The following KCNK12 variants were observed in gnomAD, a reference collection of about 807,000 sequenced individuals.
KCNK12 encodes potassium two pore domain channel subfamily K member 12.
In KCNK12, 6 loss-of-function variants were observed where a neutral mutation model predicts 25.3. That is an observed-to-expected ratio of 0.24 (90% CI 0.13 to 0.47). KCNK12 has a LOEUF of 0.47. Ranked by LOEUF, KCNK12 falls within the 20% of genes least tolerant of loss-of-function variation. KCNK12 has a pLI of 0.99. For missense variants in KCNK12, 444 were observed against 661.7 expected (o/e 0.67, Z 3.61); for synonymous variants, 331 against 311.1 (o/e 1.06, Z -0.67).
At position 47,512,545 on chromosome 2, in the gene KCNK12, A is replaced by G. The variant is rs1237854089; in HGVS notation, c.*8362T>C. 2 of 1,228,568 alleles carry G rather than the reference A, an allele frequency of 1.6e-6. No homozygotes were observed. The highest frequency in any genetic ancestry group is 2.2e-6 in the Non-Finnish European group (2 of 895,122). 76.1% of individuals were successfully genotyped at this position (1,228,568 alleles called of 1,614,324 possible). ...AGGAAGCTCTCAAAAATGGACCAGA[A>G]AGGGGTCAGGAATATAACTTTCTCT... On this transcript the variant is annotated 3_prime_UTR_variant, in exon 2 of 2. Transcript: ENST00000327876.
chr2:47,561,277 C>T (rs1422782851), intron 1 of KCNK12, among the ~76,000 whole-genome samples: 1 of 152,200 alleles, frequency 6.6e-6, no homozygotes, highest in East Asian at 1.9e-4. Context: ...TGGTCTAACT[C>T]ACCACTCAAT....
rs1252020937 is a variant in KCNK12, at chr2:47,530,911, T to C, written c.392-9103A>G. Among the ~76,000 whole-genome samples, 5 of 152,172 alleles carry C rather than the reference T, an allele frequency of 3.3e-5. No homozygotes were observed. The South Asian group carries it at 6.2e-4, about 19-fold the overall frequency. On this transcript the variant is annotated intron_variant, in intron 1 of 1. Transcript: ENST00000327876. ...TGCCCAAGATCACAAAGCAAGCACA[T>C]GGCAGAGATTTGAAACTAGAGGAAG...
In KCNK12 at chr2:47,520,296, C is replaced by G. The variant is rs1356860258; in HGVS notation, c.*611G>C. ...GCTAAGCCCCTCACCACTGCAATTT[C>G]CAAATCTGGGGGAAATGCCACAGTC... On this transcript the variant is annotated 3_prime_UTR_variant, in exon 2 of 2. Coordinates refer to ENST00000327876, the MANE Select transcript of KCNK12 (RefSeq NM_022055.2). This position sits in a 1 kb window ranked among gnomAD's most constrained non-coding sequence, Gnocchi z 5.0. The G allele has an allele frequency of 6.6e-6, 1 of 152,374 alleles. No individual in the cohort carries two copies. The highest frequency in any genetic ancestry group is 1.5e-5 in the Non-Finnish European group (1 of 68,176). The allele number at this position is 152,374 out of a possible 1,614,324, so 9.4% of individuals were successfully genotyped here. A position where few individuals can be genotyped will look rare whatever the true frequency, so the allele number is the denominator to read the frequency against.
In KCNK12 at chr2:47,555,316, C is replaced by G. The variant is rs1430389959; in HGVS notation, c.391+14625G>C. Among the ~76,000 whole-genome samples the G allele has an allele frequency of 6.6e-6, 1 of 152,212 alleles. No individual in the cohort carries two copies. The highest frequency in any genetic ancestry group is 1.5e-5 in the Non-Finnish European group (1 of 68,026). ...TTGGAAGCAGCAGATGCAAAGAAAG[C>G]TCCTTATCCTCCCCTATCTGCCTAA... is the stretch of plus-strand genomic sequence containing the variant. On this transcript the variant is annotated intron_variant, in intron 1 of 1. Coordinates refer to ENST00000327876, the MANE Select transcript of KCNK12 (RefSeq NM_022055.2). This position sits in a 1 kb window ranked among gnomAD's most constrained non-coding sequence, Gnocchi z 4.5.
chr2:47,509,490 A>G lies in KCNK12; in HGVS notation c.*11417T>C, dbSNP rs1668348292. Among the ~76,000 whole-genome samples, 2 of 152,232 alleles carry G rather than the reference A, an allele frequency of 1.3e-5. No homozygotes were observed. Among genetic ancestry groups the G allele is most frequent in the African/African-American group, 4.8e-5 (2 of 41,458 alleles). On this transcript the variant is annotated 3_prime_UTR_variant, in exon 2 of 2. Coordinates refer to ENST00000327876, the MANE Select transcript of KCNK12 (RefSeq NM_022055.2). ...CTGCCAACACGTCAGTTGTATCAGC[A>G]TTAGCTGGCTGGAGGTGGCCTGCTG... is the stretch of plus-strand genomic sequence containing the variant.
chr2:47,561,337 A>C (rs1259245253), intron 1 of KCNK12, among the ~76,000 whole-genome samples: 2 of 152,220 alleles, frequency 1.3e-5, no homozygotes, highest in Non-Finnish European at 2.9e-5. Context: ...ATTAAAGAGC[A>C]CTGCGCCTAT....
Position 47,521,192 on chromosome 2 carries a change from G to T in KCNK12, c.1008C>A (p.Thr336=), listed in dbSNP as rs1388842892. ...GGCGGCGGCGCAGCCGGGAGCCTGGGGTGATGGCATTGCGCCGGGCCAGGG... is the reference window on the plus strand; with the variant it reads ...GGCGGCGGCGCAGCCGGGAGCCTGGTGTGATGGCATTGCGCCGGGCCAGGG... ...GAPLARRNAI[T]PGSRLRRRLA... is the part of the protein sequence containing the mutation. The change falls in exon 2 of 2, where the codon ACC becomes ACA. Residue 336 remains threonine (T), a synonymous_variant. Coordinates refer to ENST00000327876, the MANE Select transcript of KCNK12 (RefSeq NM_022055.2). 1 of 1,498,804 alleles carries T rather than the reference G, an allele frequency of 6.7e-7. No homozygotes were observed. Among genetic ancestry groups the T allele is most frequent in the Non-Finnish European group, 8.9e-7 (1 of 1,125,284 alleles). The allele number at this position is 1,498,804 out of a possible 1,614,324, so 92.8% of individuals were successfully genotyped here.
intron 1 of KCNK12, among the ~76,000 whole-genome samples, chr2:47,546,795 G>T (rs1669323780): frequency 6.6e-6 from 1 of 152,188 alleles, no homozygotes; most frequent in Admixed American, 6.5e-5. Context: ...CAGGGAATGG[G>T]CAGAGGGTTT....
At position 47,521,353 on chromosome 2, in the gene KCNK12, A is replaced by C; in HGVS notation, c.847T>G (p.Phe283Val). 1 of 1,613,718 alleles carries C rather than the reference A, an allele frequency of 6.2e-7. No individual in the cohort carries two copies. Among genetic ancestry groups the C allele is most frequent in the Non-Finnish European group, 8.5e-7 (1 of 1,179,896 alleles). ...QGLYRLGNFL[F>V]ILLGVCCIYS... is the part of the protein sequence containing the mutation. ...ATGCAGCACACGCCGAGCAGGATGAAGAGGAAGTTGCCCAGGCGGTAGAGC... is the reference window on the plus strand; with the variant it reads ...ATGCAGCACACGCCGAGCAGGATGACGAGGAAGTTGCCCAGGCGGTAGAGC... The change falls in exon 2 of 2, where the codon TTC (phenylalanine) becomes GTC (valine). Residue 283 changes from phenylalanine to valine, a missense_variant. Around this residue, in one of 8 missense-constraint regions of KCNK12, gnomAD observed 56 missense variants for 135.7 expected, o/e 0.41. Transcript: ENST00000327876.
intron 1 of KCNK12, among the ~76,000 whole-genome samples, chr2:47,561,840 G>A (rs566455054): frequency 6.6e-6 from 1 of 152,338 alleles, no homozygotes; most frequent in Non-Finnish European, 1.5e-5. Context: ...GCTGGCTGCA[G>A]TGCTGGTGTG....
chr2:47,569,594 C>A lies in KCNK12; in HGVS notation c.391+347G>T, dbSNP rs1215034486. Reference sequence around the variant, plus strand: ...GATCATCCTGGAGAGGAAACTGAGGCCTGGGGGTTGTGGGTGGAAAACAGG... The same window carrying A: ...GATCATCCTGGAGAGGAAACTGAGGACTGGGGGTTGTGGGTGGAAAACAGG... On this transcript the variant is annotated intron_variant, in intron 1 of 1. Coordinates refer to ENST00000327876, the MANE Select transcript of KCNK12 (RefSeq NM_022055.2). This position sits in a 1 kb window ranked among gnomAD's most constrained non-coding sequence, Gnocchi z 4.1. Among the ~76,000 whole-genome samples the A allele has an allele frequency of 6.6e-6, 1 of 151,982 alleles. No individual in the cohort carries two copies. The highest frequency in any genetic ancestry group is 6.6e-5 in the Admixed American group (1 of 15,260).
chr2:47,564,252 C>T (rs997336560), intron 1 of KCNK12: 10 of 230,412 alleles, frequency 4.3e-5, no homozygotes, highest in Non-Finnish European at 8.6e-5. Flanking sequence ...GGCTCAGATA[C>T]AAAGAGACCA....
intron 1 of KCNK12, among the ~76,000 whole-genome samples, chr2:47,523,672 C>T (rs1441048589): frequency 1.3e-5 from 2 of 152,046 alleles, no homozygotes; most frequent in Non-Finnish European, 2.9e-5. Context: ...CTGTGGGACC[C>T]GTGGTTGCCT....
chr2:47,558,041 A>G (rs1260552882), intron 1 of KCNK12, among the ~76,000 whole-genome samples: 1 of 152,166 alleles, frequency 6.6e-6, no homozygotes, highest in Non-Finnish European at 1.5e-5. Flanking sequence ...TGATCATCAT[A>G]TTTTACTTTT....
Position 47,565,848 on chromosome 2 carries a change from A to G in KCNK12, c.391+4093T>C, listed in dbSNP as rs1249559365. On this transcript the variant is annotated intron_variant, in intron 1 of 1. Transcript: ENST00000327876. This position sits in a 1 kb window ranked among gnomAD's most constrained non-coding sequence, Gnocchi z 5.0. ...CAGTTATCTTTATCTTTAGGAGTTC[A>G]TACAATCACAGGAAGTGCAGACAAC... The G allele has an allele frequency of 1.3e-5, 2 of 152,258 alleles. No individual in the cohort carries two copies. The highest frequency in any genetic ancestry group is 2.9e-5 in the Non-Finnish European group (2 of 68,044). The allele number at this position is 152,258 out of a possible 1,614,324, so 9.4% of individuals were successfully genotyped here.
At chr2:47,561,964 T>G (rs778205786) in intron 1 of KCNK12, 1 of 397,680 alleles carries the variant, frequency 2.5e-6, no homozygotes, top group Non-Finnish European at 4.4e-6. Flanking sequence ...ATTCCCTTCT[T>G]TTAGTAAGGG....
chr2:47,510,718 A>G lies in KCNK12; in HGVS notation c.*10189T>C, dbSNP rs1447927624. ...AACTTATCTTAGGGCAATTTTAGGT[A>G]GAGGAGCAGACAAGATGGTGTACAG... On this transcript the variant is annotated 3_prime_UTR_variant, in exon 2 of 2. Transcript: ENST00000327876. The G allele has an allele frequency of 1.3e-5, 2 of 152,258 alleles. No homozygotes were observed. The highest frequency in any genetic ancestry group is 4.8e-5 in the African/African-American group (2 of 41,470). 9.4% of individuals were successfully genotyped at this position (152,258 alleles called of 1,614,324 possible).
rs1414163103 is a variant in KCNK12, at chr2:47,548,579, G to A, written c.391+21362C>T. Among the ~76,000 whole-genome samples the A allele has an allele frequency of 6.6e-6, 1 of 152,122 alleles. No homozygotes were observed. Among genetic ancestry groups the A allele is most frequent in the Non-Finnish European group, 1.5e-5 (1 of 68,026 alleles). On this transcript the variant is annotated intron_variant, in intron 1 of 1. Coordinates refer to ENST00000327876, the MANE Select transcript of KCNK12 (RefSeq NM_022055.2). The surrounding 1 kb of genome is among the most constrained non-coding windows in gnomAD (Gnocchi z 4.4). ...CAGGAACAAATCGTGCCACCCTACT[G>A]TCAACACTTATCCAGATTCTACACA...
At chr2:47,527,994 C>G (rs1044992750) in intron 1 of KCNK12, among the ~76,000 whole-genome samples, 1 of 152,164 alleles carries the variant, frequency 6.6e-6, no homozygotes, top group African/African-American at 2.4e-5. Context: ...CAGATCCTAC[C>G]CCCTTTGCTG....
Sources: allele counts gnomAD v4.1 joint callset (sites outside exome capture counted in the v4.1 genomes callset), GRCh38; gene constraint gnomAD v4.1.1; regional missense constraint gnomAD v4.1.1; non-coding constraint Gnocchi (gnomAD v3.1); transcripts MANE v1.5; gene names NCBI Gene and HGNC (gene_info 2026-07-23, HGNC 2026-07-21).